PLPP4: variants seen among roughly 807,000 people sequenced by gnomAD.
PLPP4 encodes the protein phospholipid phosphatase 4.
Under a neutral mutation model 32.2 loss-of-function variants are expected in PLPP4, and 20 were observed. The ratio of observed to expected loss-of-function variants is 0.62; its 90% CI spans 0.44 to 0.90. The LOEUF (loss-of-function observed/expected upper bound fraction) is 0.90. Among genes scored for constraint, PLPP4 ranks in the 40% least tolerant of loss-of-function variants. PLPP4 has a pLI of 0.00. For missense variants in PLPP4, 257 were observed against 353.1 expected (o/e 0.73, Z 2.18); for synonymous variants, 127 against 133.0 (o/e 0.95, Z 0.31).
intron 5 of PLPP4, among the ~76,000 whole-genome samples, chr10:120,567,066 T>C (rs1042858063): frequency 1.3e-5 from 2 of 152,176 alleles, no homozygotes; most frequent in African/African-American, 4.8e-5. Flanking sequence ...TTTCTCTCCC[T>C]TCATTTTTGG....
intron 6 of PLPP4, chr10:120,580,785 A>G (rs1849469655): frequency 3.7e-6 from 3 of 814,148 alleles, no homozygotes; most frequent in Non-Finnish European, 5.2e-6. Context: ...TTGGAACAAT[A>G]TGATTGTTTC....
intron 1 of PLPP4, among the ~76,000 whole-genome samples, chr10:120,471,149 A>C (rs1176838823): frequency 6.6e-6 from 1 of 152,180 alleles, no homozygotes; most frequent in African/African-American, 2.4e-5. Flanking sequence ...CCATGCTATT[A>C]AAATTTTCTG....
rs55757419 is a variant in PLPP4 at position 120,493,857 on chromosome 10, A to G, written c.57-9961A>G. 6.2e-3 allele frequency among the ~76,000 whole-genome samples: 938 copies of G among 152,212 alleles called. 15 individuals are homozygous for G. Among genetic ancestry groups the G allele is most frequent in the African/African-American group, 0.021 (869 of 41,540 alleles). On this transcript the variant is annotated intron_variant, in intron 1 of 6. Coordinates refer to ENST00000398250, the MANE Select transcript of PLPP4 (RefSeq NM_001030059.3). ...TACTCACAGCCCAGGGGAGGAGTACACTGCACGCCATGCAGGGACACAAGG... is the reference window on the plus strand; with the variant it reads ...TACTCACAGCCCAGGGGAGGAGTACGCTGCACGCCATGCAGGGACACAAGG...
At chr10:120,472,222 C>A (rs967916278) in intron 1 of PLPP4, among the ~76,000 whole-genome samples, 1 of 152,014 alleles carries the variant, frequency 6.6e-6, no homozygotes, top group African/African-American at 2.4e-5. Context: ...GGGATTATAT[C>A]CTTTTAGCCT....
intron 1 of PLPP4, among the ~76,000 whole-genome samples, chr10:120,460,104 G>A (rs1847973523): frequency 6.6e-6 from 1 of 152,160 alleles, no homozygotes; most frequent in Admixed American, 6.5e-5. Context: ...AATTAGTAGA[G>A]TAATGCAAAT....
chr10:120,490,923 A>G (rs749302727), intron 1 of PLPP4, among the ~76,000 whole-genome samples: 1 of 152,186 alleles, frequency 6.6e-6, no homozygotes, highest in African/African-American at 2.4e-5. Flanking sequence ...AGCACCTTCA[A>G]ACTAAGTTCT....
intron 6 of PLPP4, among the ~76,000 whole-genome samples, chr10:120,586,378 A>C (rs1183772500): frequency 6.6e-6 from 1 of 150,800 alleles, no homozygotes; most frequent in East Asian, 2.0e-4. Flanking sequence ...TCCTGAGCTC[A>C]GTCAGTTCGC....
rs1330133222 is a variant in PLPP4, at chr10:120,467,936, CTA to C, written c.56+10577_56+10578del. On this transcript the variant is annotated intron_variant, in intron 1 of 6. Coordinates refer to ENST00000398250, the MANE Select transcript of PLPP4 (RefSeq NM_001030059.3). ...AGGCCTCAGTGTCTGTTGTTCTCCT[CTA>C]TGTGTTCATGTGTTCTTATCTTTCC... Among the ~76,000 whole-genome samples the C allele has an allele frequency of 1.2e-4, 8 of 64,170 alleles. 2 individuals carry two copies. The highest frequency in any genetic ancestry group is 6.7e-4 in the Admixed American group (3 of 4,458). The allele number at this position is 64,170 out of a possible 152,430, so 42.1% of individuals were successfully genotyped here.
chr10:120,547,250 CAAAGAAAGGCA>C (rs1248889196), intron 5 of PLPP4, among the ~76,000 whole-genome samples: 2 of 151,404 alleles, frequency 1.3e-5, no homozygotes, highest in African/African-American at 4.9e-5. Flanking sequence ...AAATGCCTTT[CAAAGAAAGGCA>C]TTTATTTCAA....
At chr10:120,586,054 G>A (rs1849737902) in intron 6 of PLPP4, among the ~76,000 whole-genome samples, 1 of 152,104 alleles carries the variant, frequency 6.6e-6, no homozygotes, top group African/African-American at 2.4e-5. Flanking sequence ...TAGTTAGAAT[G>A]ACTTTTGTTT....
chr10:120,528,672 C>T (rs555389228), intron 5 of PLPP4, among the ~76,000 whole-genome samples: 1 of 152,120 alleles, frequency 6.6e-6, no homozygotes, highest in African/African-American at 2.4e-5. Flanking sequence ...AAGGAAGACT[C>T]CCCCTAGATC....
intron 5 of PLPP4, among the ~76,000 whole-genome samples, chr10:120,549,568 G>A (rs912311376): frequency 6.6e-6 from 1 of 151,852 alleles, no homozygotes; most frequent in African/African-American, 2.4e-5. Flanking sequence ...TAAAGATATT[G>A]CAGAGAAGAA....
chr10:120,527,110 G>A (rs1413189238), intron 5 of PLPP4, among the ~76,000 whole-genome samples: 2 of 134,536 alleles, frequency 1.5e-5, no homozygotes, highest in African/African-American at 5.1e-5. Flanking sequence ...CTATTTGTCT[G>A]TCTACCTATC....
intron 5 of PLPP4, among the ~76,000 whole-genome samples, chr10:120,529,914 T>A (rs11199380): frequency 0.28 from 42,066 of 152,122 alleles, 6,314 homozygotes; most frequent in South Asian, 0.43. Flanking sequence ...ATTCCATCTC[T>A]GCACTCCAGC....
intron 5 of PLPP4, among the ~76,000 whole-genome samples, chr10:120,527,119 T>A (rs571087442): frequency 1.4e-5 from 1 of 70,194 alleles, no homozygotes; most frequent in East Asian, 3.6e-4. Flanking sequence ...TGTCTACCTA[T>A]CTATCAATCA....
intron 5 of PLPP4, among the ~76,000 whole-genome samples, chr10:120,565,324 G>GTA (rs1161179819): frequency 2.0e-5 from 1 of 49,814 alleles, no homozygotes; most frequent in Non-Finnish European, 4.9e-5. Flanking sequence ...TGGTGTGTGT[G>GTA]TGTGTGTGTG....
intron 1 of PLPP4, among the ~76,000 whole-genome samples, chr10:120,479,085 G>T (rs1000664224): frequency 6.6e-6 from 1 of 152,166 alleles, no homozygotes; most frequent in Non-Finnish European, 1.5e-5. Flanking sequence ...AATTAGCCGG[G>T]CATGGTGGTG....
intron 5 of PLPP4, among the ~76,000 whole-genome samples, chr10:120,567,178 A>G (rs973544203): frequency 6.6e-6 from 1 of 152,302 alleles, no homozygotes; most frequent in East Asian, 1.9e-4. Flanking sequence ...AACAAAATAT[A>G]TAGTCTGCTA....
At chr10:120,523,408 T>A (rs935973642) in intron 5 of PLPP4, among the ~76,000 whole-genome samples, 1 of 152,192 alleles carries the variant, frequency 6.6e-6, no homozygotes, top group Non-Finnish European at 1.5e-5. Context: ...CATGTTTTTT[T>A]CCTCTATGCA....
Sources: gnomAD v4.1 joint callset for allele counts (sites outside exome capture counted in the v4.1 genomes callset) on GRCh38, gnomAD v4.1.1 for gene constraint, MANE v1.5 for transcripts, NCBI Gene and HGNC (gene_info 2026-07-23, HGNC 2026-07-21) for gene names.